Variants in ROBO2 observed in about 807,000 individuals in gnomAD.
The protein encoded by ROBO2 is roundabout homolog 2.
In ROBO2, 53 loss-of-function variants were observed where a neutral mutation model predicts 160.8. That is an observed-to-expected ratio of 0.33 (90% CI 0.26 to 0.41). ROBO2 has a LOEUF of 0.41. Ranked by LOEUF, ROBO2 falls within the 10% of genes least tolerant of loss-of-function variation. The pLI is 1.00. For missense variants in ROBO2, 1,577 were observed against 1,722.4 expected (o/e 0.92, Z 1.49); for synonymous variants, 664 against 611.7 (o/e 1.09, Z -1.26).
chr3:76,813,676 C>T (rs577192817), intron 2 of ROBO2, among the ~76,000 whole-genome samples: 2 of 152,066 alleles, frequency 1.3e-5, no homozygotes, highest in Non-Finnish European at 2.9e-5. Flanking sequence ...CAGCATCTAT[C>T]TCTATTGTGT....
At chr3:76,144,794 G>A (rs1377639301) in intron 2 of ROBO2, among the ~76,000 whole-genome samples, 10 of 152,058 alleles carry the variant, frequency 6.6e-5, no homozygotes, top group Non-Finnish European at 2.9e-5. Context: ...AATTAGACAC[G>A]AAATATTGAA....
intron 2 of ROBO2, among the ~76,000 whole-genome samples, chr3:76,032,056 C>T (rs372339295): frequency 6.6e-6 from 1 of 152,036 alleles, no homozygotes; most frequent in Non-Finnish European, 1.5e-5. Flanking sequence ...TCTATTCAGA[C>T]ATTCAACTTC....
chr3:76,774,135 G>A (rs1472873443), intron 2 of ROBO2, among the ~76,000 whole-genome samples: 2 of 150,878 alleles, frequency 1.3e-5, no homozygotes, highest in African/African-American at 4.8e-5. Context: ...TCTCTACTTT[G>A]AAAGGAATGT....
intron 2 of ROBO2, among the ~76,000 whole-genome samples, chr3:77,167,978 G>C (rs959119191): frequency 6.6e-6 from 1 of 152,194 alleles, no homozygotes; most frequent in African/African-American, 2.4e-5. Context: ...GTCTTGATCA[G>C]AGACATGAAA....
At chr3:76,567,179 G>A (rs2084578331) in intron 2 of ROBO2, among the ~76,000 whole-genome samples, 1 of 152,152 alleles carries the variant, frequency 6.6e-6, no homozygotes, top group South Asian at 2.1e-4. Flanking sequence ...TTTTAAAAAG[G>A]AGGAAAAGTA....
At chr3:76,335,640 C>T (rs1449539529) in intron 2 of ROBO2, among the ~76,000 whole-genome samples, 22 of 151,570 alleles carry the variant, frequency 1.5e-4, no homozygotes, top group South Asian at 2.1e-4. Flanking sequence ...TGCAGGGGCG[C>T]GATCTCGGCT....
chr3:77,428,339 ATTTTTTTTTT>A (rs59725522), intron 2 of ROBO2, among the ~76,000 whole-genome samples: 14,921 of 105,830 alleles, frequency 0.14, 889 homozygotes, highest in East Asian at 0.29. Context: ...CTTAGGTAAT[ATTTTTTTTTT>A]TTTTTTTTTT....
At chr3:77,427,726 G>A (rs1029206866) in intron 2 of ROBO2, among the ~76,000 whole-genome samples, 1 of 152,142 alleles carries the variant, frequency 6.6e-6, no homozygotes, top group Non-Finnish European at 1.5e-5. Flanking sequence ...CACCTGCTAC[G>A]TTGCTGACTC....
chr3:76,042,435 G>A lies in ROBO2; in HGVS notation c.109+104833G>A, dbSNP rs373740589. ...TTGTTTAAAGACTATGTGACACTTA[G>A]GAGGCATTTTAATGCAGTATTTTAT... On this transcript the variant is annotated intron_variant, in intron 2 of 26. Coordinates refer to the ROBO2 transcript ENST00000487694. 9.9e-5 allele frequency among the ~76,000 whole-genome samples: 15 copies of A among 152,034 alleles called. No homozygotes were observed. The East Asian group carries it at 2.5e-3, about 25-fold the overall frequency.
chr3:77,474,051 C>T (rs558491948), intron 2 of ROBO2, among the ~76,000 whole-genome samples: 46 of 152,248 alleles, frequency 3.0e-4, no homozygotes, highest in African/African-American at 9.9e-4. Flanking sequence ...CTGGCCCCTT[C>T]CCTGAATTTT....
At chr3:75,920,390 G>A (rs1418829586) in intron 1 of ROBO2, among the ~76,000 whole-genome samples, 2 of 152,178 alleles carry the variant, frequency 1.3e-5, no homozygotes, top group African/African-American at 2.4e-5. Flanking sequence ...TTTGGTTTGA[G>A]AGATTGTTTG....
At chr3:77,260,246 T>C (rs1224455289) in intron 2 of ROBO2, among the ~76,000 whole-genome samples, 2 of 152,154 alleles carry the variant, frequency 1.3e-5, no homozygotes, top group African/African-American at 2.4e-5. Context: ...TTTTTCAATT[T>C]ACTGAATATA....
At chr3:76,689,664 T>C (rs2092758997) in intron 2 of ROBO2, among the ~76,000 whole-genome samples, 1 of 152,208 alleles carries the variant, frequency 6.6e-6, no homozygotes, top group African/African-American at 2.4e-5. Context: ...TCTATTGCAG[T>C]GTTCCTTGAA....
chr3:77,010,201 T>G (rs1487331614), intron 2 of ROBO2, among the ~76,000 whole-genome samples: 1 of 152,106 alleles, frequency 6.6e-6, no homozygotes. Flanking sequence ...ATTAGTTTGG[T>G]GTCAATAAAA....
At chr3:77,516,390 T>G (rs1487862791) in intron 5 of ROBO2, among the ~76,000 whole-genome samples, 2 of 151,608 alleles carry the variant, frequency 1.3e-5, no homozygotes, top group East Asian at 1.9e-4. Context: ...GCAAATATAT[T>G]TTTATTGTCA....
At chr3:77,031,384 C>A (rs1341774967) in intron 2 of ROBO2, among the ~76,000 whole-genome samples, 1 of 149,856 alleles carries the variant, frequency 6.7e-6, no homozygotes, top group Admixed American at 6.7e-5. Context: ...TAAAAAACTT[C>A]CTTTTTTATA....
chr3:76,805,122 T>C (rs916875345), intron 2 of ROBO2, among the ~76,000 whole-genome samples: 1 of 152,168 alleles, frequency 6.6e-6, no homozygotes. Context: ...TAAATGTTTG[T>C]TAAATGAATA....
chr3:77,579,546 TAA>T (rs2093858556), intron 15 of ROBO2, among the ~76,000 whole-genome samples: 1 of 152,152 alleles, frequency 6.6e-6, no homozygotes, highest in African/African-American at 2.4e-5. Flanking sequence ...ATATGCATAA[TAA>T]ATCTTGATAA....
At chr3:76,059,567 T>C (rs934227310) in intron 2 of ROBO2, among the ~76,000 whole-genome samples, 12 of 152,116 alleles carry the variant, frequency 7.9e-5, no homozygotes, top group African/African-American at 2.9e-4. Flanking sequence ...GTCAGATGAG[T>C]AGGTAGCAAA....
Sources: gnomAD v4.1 joint callset for allele counts (sites outside exome capture counted in the v4.1 genomes callset) on GRCh38, gnomAD v4.1.1 for gene constraint, MANE v1.5 for transcripts, NCBI Gene and HGNC (gene_info 2026-07-23, HGNC 2026-07-21) for gene names.